MDGA2: variants seen among roughly 807,000 people sequenced by gnomAD.
The protein encoded by MDGA2 is MAM domain containing glycosylphosphatidylinositol anchor 2, also known as MAM domain-containing glycosylphosphatidylinositol anchor protein 2.
Under a neutral mutation model 117.8 loss-of-function variants are expected in MDGA2, and 40 were observed. That is an observed-to-expected ratio of 0.34 (90% CI 0.26 to 0.44). The LOEUF is 0.44. MDGA2 is among the 20% of genes least tolerant of loss of function. The pLI is 1.00. For synonymous variants in MDGA2, 452 were observed against 439.0 expected (o/e 1.03, Z -0.37); for missense variants, 1,123 against 1,250.6 (o/e 0.90, Z 1.54).
chr14:47,011,120 A>G (rs1887882970), intron 8 of MDGA2, among the ~76,000 whole-genome samples: 1 of 152,020 alleles, frequency 6.6e-6, no homozygotes, highest in Admixed American at 6.6e-5. Context: ...GAGCTGGGCA[A>G]AGATAATCAG....
At chr14:46,964,485 A>G (rs1439963339) in intron 8 of MDGA2, among the ~76,000 whole-genome samples, 1 of 152,216 alleles carries the variant, frequency 6.6e-6, no homozygotes, top group African/African-American at 2.4e-5. Flanking sequence ...TGGTTCAGGA[A>G]GGAAAGAATT....
At chr14:46,983,501 A>C (rs891279485) in intron 8 of MDGA2, among the ~76,000 whole-genome samples, 4 of 152,140 alleles carry the variant, frequency 2.6e-5, no homozygotes, top group African/African-American at 9.6e-5. Context: ...TGCTTCCAGC[A>C]AAGCATCATC....
chr14:47,226,353 A>C (rs969488945), intron 2 of MDGA2, among the ~76,000 whole-genome samples: 1 of 152,152 alleles, frequency 6.6e-6, no homozygotes, highest in Non-Finnish European at 1.5e-5. Context: ...CACGGTAGAC[A>C]AGTAAGAAAC....
chr14:47,059,383 TGGGTAG>T (rs1315830458), intron 7 of MDGA2: 6 of 1,168,782 alleles, frequency 5.1e-6, no homozygotes, highest in Non-Finnish European at 6.8e-6. Flanking sequence ...AGTGTTACCT[TGGGTAG>T]CCAGGCAAAT....
At chr14:47,449,297 G>A (rs1368427302) in intron 1 of MDGA2, among the ~76,000 whole-genome samples, 6 of 151,898 alleles carry the variant, frequency 4.0e-5, no homozygotes, top group African/African-American at 7.3e-5. Flanking sequence ...TTTTAAATTC[G>A]AGTTGCTTAT....
intron 2 of MDGA2, among the ~76,000 whole-genome samples, chr14:47,246,126 T>G (rs1887230512): frequency 6.6e-6 from 1 of 151,844 alleles, no homozygotes; most frequent in Admixed American, 6.6e-5. Context: ...CTCCAAACAT[T>G]AACCTGATGT....
chr14:46,891,455 C>G (rs1429730531), intron 10 of MDGA2, among the ~76,000 whole-genome samples: 1 of 151,490 alleles, frequency 6.6e-6, no homozygotes, highest in Non-Finnish European at 1.5e-5. Context: ...ATTGCTAACA[C>G]TTACCTTAGG....
intron 1 of MDGA2, among the ~76,000 whole-genome samples, chr14:47,550,467 A>G (rs1192179455): frequency 1.3e-5 from 2 of 152,230 alleles, no homozygotes; most frequent in Non-Finnish European, 2.9e-5. Flanking sequence ...CTCTATAAAT[A>G]TAAAACCACT....
Position 47,569,790 on chromosome 14 carries a change from T to C in MDGA2, c.280+104727A>G, listed in dbSNP as rs139023763. 1.1e-4 allele frequency among the ~76,000 whole-genome samples: 16 copies of C among 152,354 alleles called. No individual in the cohort carries two copies. In the East Asian group the frequency reaches 2.7e-3, roughly 26 times the overall value. On this transcript the variant is annotated intron_variant, in intron 1 of 16. Transcript: ENST00000399232. Reference sequence around the variant, plus strand: ...ACTTAAGTATATTTCAGGTACAGATTATTCATTTGTTGTTTTGTATTCCAC... The same window carrying C: ...ACTTAAGTATATTTCAGGTACAGATCATTCATTTGTTGTTTTGTATTCCAC...
chr14:47,530,177 A>T lies in MDGA2; in HGVS notation c.280+144340T>A, dbSNP rs142932219. Among the ~76,000 whole-genome samples, 703 of 152,292 alleles carry T rather than the reference A, an allele frequency of 4.6e-3. 5 individuals carry two copies. The highest frequency in any genetic ancestry group is 0.016 in the African/African-American group (654 of 41,566). Reference sequence around the variant, plus strand: ...ATGCAACCCTTGTGGAGAGCCTATAAACAGATGCATGAGGGGCGCCTGTTC... The same window carrying T: ...ATGCAACCCTTGTGGAGAGCCTATATACAGATGCATGAGGGGCGCCTGTTC... On this transcript the variant is annotated intron_variant, in intron 1 of 16. Coordinates refer to ENST00000399232, the MANE Select transcript of MDGA2 (RefSeq NM_001113498.3).
At chr14:47,233,917 C>T (rs1050313797) in intron 2 of MDGA2, among the ~76,000 whole-genome samples, 2 of 152,118 alleles carry the variant, frequency 1.3e-5, no homozygotes, top group African/African-American at 4.8e-5. Context: ...ACAACTTGCA[C>T]TCAGGTCCTC....
intron 1 of MDGA2, among the ~76,000 whole-genome samples, chr14:47,578,403 A>G (rs1168885823): frequency 6.6e-6 from 1 of 152,134 alleles, no homozygotes; most frequent in Non-Finnish European, 1.5e-5. Context: ...GTATCTTGGA[A>G]CTTAAAGTAA....
At chr14:47,423,695 T>C (rs1463622081) in intron 1 of MDGA2, among the ~76,000 whole-genome samples, 1 of 152,200 alleles carries the variant, frequency 6.6e-6, no homozygotes, top group East Asian at 1.9e-4. Context: ...TAGAACTTAA[T>C]ATATTATTTC....
chr14:47,534,100 A>G (rs988851381), intron 1 of MDGA2, among the ~76,000 whole-genome samples: 4 of 152,142 alleles, frequency 2.6e-5, no homozygotes, highest in Admixed American at 6.5e-5. Flanking sequence ...AAAGTATCCA[A>G]TGGGTGAGAC....
At chr14:47,282,692 G>C (rs112351230) in intron 2 of MDGA2, among the ~76,000 whole-genome samples, 12,258 of 145,872 alleles carry the variant, frequency 0.084, 672 homozygotes, top group Non-Finnish European at 0.11. Context: ...GCAAGAATGT[G>C]TCTCAAAAAA....
At chr14:47,575,491 T>C (rs562078309) in intron 1 of MDGA2, among the ~76,000 whole-genome samples, 13 of 152,346 alleles carry the variant, frequency 8.5e-5, no homozygotes, top group African/African-American at 2.9e-4. Flanking sequence ...AATTCCACCA[T>C]GTCACTTGGA....
intron 7 of MDGA2, among the ~76,000 whole-genome samples, chr14:47,039,090 C>T (rs1888969491): frequency 6.6e-6 from 1 of 152,156 alleles, no homozygotes; most frequent in Non-Finnish European, 1.5e-5. Context: ...TTTTCTATCT[C>T]TAAGAATTAC....
At chr14:47,584,147 C>T (rs1262805298) in intron 1 of MDGA2, among the ~76,000 whole-genome samples, 1 of 151,760 alleles carries the variant, frequency 6.6e-6, no homozygotes, top group East Asian at 1.9e-4. Context: ...TTCAGTGATT[C>T]CATGAAATTT....
At chr14:47,462,376 AAAAAAAAAAAAAAAAAG>A (rs1355493755) in intron 1 of MDGA2, among the ~76,000 whole-genome samples, 60 of 60,918 alleles carry the variant, frequency 9.8e-4, no homozygotes, top group African/African-American at 3.6e-3. Flanking sequence ...ACTCCGTCCC[AAAAAAAAAAAAAAAAAG>A]AAAGAAAAAA....
Sources: allele counts gnomAD v4.1 joint callset (sites outside exome capture counted in the v4.1 genomes callset), GRCh38; gene constraint gnomAD v4.1.1; transcripts MANE v1.5; gene names NCBI Gene and HGNC (gene_info 2026-07-23, HGNC 2026-07-21).